The following CRACR2A variants were observed in gnomAD, a reference collection of about 807,000 sequenced individuals.
CRACR2A encodes EF-hand calcium-binding domain-containing protein 4B.
Under a neutral mutation model 90.5 loss-of-function variants are expected in CRACR2A, and 79 were observed. That is an observed-to-expected ratio of 0.87 (90% CI 0.73 to 1.05). The LOEUF (loss-of-function observed/expected upper bound fraction) is 1.05, where lower values mean the gene tolerates loss of function less well. Among genes scored for constraint, CRACR2A ranks in the 50% least tolerant of loss-of-function variants. The probability of loss-of-function intolerance (pLI) is 0.00; values close to 1 mark genes in which losing one functional copy is unlikely to be tolerated. For missense variants in CRACR2A, 823 were observed against 897.2 expected, an observed-to-expected ratio of 0.92 and a Z score of 1.06; for synonymous variants, 338 against 356.7, an observed-to-expected ratio of 0.95 and a Z score of 0.59.
chr12:3,747,393 G>C (rs1193471570), intron 1 of CRACR2A, among the ~76,000 whole-genome samples: 1 of 152,342 alleles, frequency 6.6e-6, no homozygotes, highest in African/African-American at 2.4e-5. Flanking sequence ...AGTCCCTGGA[G>C]TTCCGTCTTT....
chr12:3,680,314 T>C lies in CRACR2A; in HGVS notation c.264A>G (p.Glu88=). 6.2e-7 allele frequency: 1 copy of C among 1,614,160 alleles called. No individual in the cohort carries two copies. The highest frequency in any genetic ancestry group is 1.6e-4 in the Middle Eastern group (1 of 6,062). Residue 88 remains glutamate (E), a synonymous_variant, in exon 5 of 20, where the codon GAA becomes GAG. Coordinates refer to ENST00000440314, the MANE Select transcript of CRACR2A (RefSeq NM_001144958.2). ...LHKELPLSLE[E]LEDVFDALDA... is the part of the protein sequence containing the mutation. Reference sequence around the variant, plus strand: ...CCAGGGCATCAAACACATCCTCCAGTTCCTCCAGGCTGAGCGGTAGCTCCT... The same window carrying C: ...CCAGGGCATCAAACACATCCTCCAGCTCCTCCAGGCTGAGCGGTAGCTCCT...
At chr12:3,699,092 A>C (rs1177822756) in intron 3 of CRACR2A, among the ~76,000 whole-genome samples, 1 of 152,186 alleles carries the variant, frequency 6.6e-6, no homozygotes, top group East Asian at 1.9e-4. Context: ...TAGGATTCCC[A>C]TTATACAGAT....
At chr12:3,644,429 T>C (rs1357011632) in intron 12 of CRACR2A, among the ~76,000 whole-genome samples, 166 bp downstream of exon 12, 8 of 152,134 alleles carry the variant, frequency 5.3e-5, no homozygotes, top group Admixed American at 5.2e-4. Flanking sequence ...TGTTACCCAG[T>C]AGGCCACCCT....
At chr12:3,742,100 C>T (rs142268363) in intron 1 of CRACR2A, among the ~76,000 whole-genome samples, 6 of 152,326 alleles carry the variant, frequency 3.9e-5, no homozygotes, top group Admixed American at 1.3e-4. Context: ...GACTAACCAC[C>T]GTTACCCAGG....
chr12:3,625,534 C>A (rs541844185), intron 17 of CRACR2A, among the ~76,000 whole-genome samples: 2 of 150,556 alleles, frequency 1.3e-5, no homozygotes, highest in African/African-American at 2.4e-5. Flanking sequence ...TACTGGGGGA[C>A]AACTAAATGT....
intron 3 of CRACR2A, among the ~76,000 whole-genome samples, chr12:3,708,448 G>T (rs1042102209): frequency 6.6e-6 from 1 of 151,804 alleles, no homozygotes; most frequent in Non-Finnish European, 1.5e-5. Context: ...TTTTTGAGAC[G>T]GAGTCTCACT....
rs531952265 is a variant in CRACR2A, at chr12:3,673,312, C to A, written c.671+134G>T. The A allele has an allele frequency of 2.5e-4, 260 of 1,053,982 alleles. 2 individuals carry two copies. The African/African-American group carries it at 2.7e-3, about 11-fold the overall frequency. 65.3% of individuals were successfully genotyped at this position (1,053,982 alleles called of 1,614,324 possible). Reference sequence around the variant, plus strand: ...TACATATATCGTGACAGACACAGGGCCTGGTCCCCACTTTGGCAGACAGCA... The same window carrying A: ...TACATATATCGTGACAGACACAGGGACTGGTCCCCACTTTGGCAGACAGCA... On this transcript the variant is annotated intron_variant, in intron 7 of 19. Coordinates refer to ENST00000440314, the MANE Select transcript of CRACR2A (RefSeq NM_001144958.2).
chr12:3,662,270 G>A (rs1945051138), intron 7 of CRACR2A, among the ~76,000 whole-genome samples: 1 of 152,214 alleles, frequency 6.6e-6, no homozygotes, highest in Non-Finnish European at 1.5e-5. Context: ...GCCTCGGTTA[G>A]AACACACTAA....
chr12:3,633,515 G>A lies in CRACR2A; in HGVS notation c.1735+89C>T, dbSNP rs950498847. 2.0e-6 allele frequency: 3 copies of A among 1,509,992 alleles called. No homozygotes were observed. Among genetic ancestry groups the A allele is most frequent in the African/African-American group, 2.8e-5 (2 of 72,216 alleles). The allele number at this position is 1,509,992 out of a possible 1,614,324, so 93.5% of individuals were successfully genotyped here. On this transcript the variant is annotated intron_variant, in intron 15 of 19. Transcript: ENST00000440314. This position sits in a 1 kb window ranked among gnomAD's most constrained non-coding sequence, Gnocchi z 4.5. ...CCAATCCCCATGGCCCTTCCCATGG[G>A]CTTCTAACGCTCCCTGCCCCGGGCC...
intron 8 of CRACR2A, among the ~76,000 whole-genome samples, chr12:3,657,772 GGC>G (rs1944941915): frequency 6.6e-6 from 1 of 152,128 alleles, no homozygotes; most frequent in African/African-American, 2.4e-5. Context: ...ATGATGATGT[GGC>G]TGTACCCACA....
intron 17 of CRACR2A, among the ~76,000 whole-genome samples, chr12:3,620,134 G>C (rs1274335936): frequency 6.6e-6 from 1 of 152,204 alleles, no homozygotes; most frequent in Admixed American, 6.5e-5. Flanking sequence ...CCTGCTTCCC[G>C]GGTCTCCACC....
intron 12 of CRACR2A, among the ~76,000 whole-genome samples, chr12:3,643,943 A>C (rs1470072648): frequency 5.5e-5 from 7 of 127,036 alleles, no homozygotes; most frequent in African/African-American, 1.8e-4. Flanking sequence ...AAACTGCAGA[A>C]TGCACTTTGG....
chr12:3,731,616 T>G (rs1330488666), intron 2 of CRACR2A: 1 of 152,212 alleles, frequency 6.6e-6, no homozygotes, highest in Non-Finnish European at 1.5e-5. Context: ...GCTCACTTAG[T>G]GTGGCAGCTT....
chr12:3,672,616 C>T, intron 7 of CRACR2A: 2 of 348,278 alleles, frequency 5.7e-6, no homozygotes, highest in Non-Finnish European at 8.1e-6. Flanking sequence ...AATGCGAGCT[C>T]ATGGCTGTAA....
chr12:3,693,126 C>A (rs973449804), intron 4 of CRACR2A, among the ~76,000 whole-genome samples: 12 of 152,208 alleles, frequency 7.9e-5, no homozygotes, highest in Non-Finnish European at 1.8e-4. Context: ...CAAAACCTGC[C>A]TGCACACACA....
At chr12:3,660,798 A>T (rs1252930094) in intron 7 of CRACR2A, among the ~76,000 whole-genome samples, 1 of 149,044 alleles carries the variant, frequency 6.7e-6, no homozygotes, top group Non-Finnish European at 1.5e-5. Context: ...GAACAGGCTA[A>T]TGTGGCTATC....
chr12:3,658,098 A>C (rs1944951229), intron 8 of CRACR2A, among the ~76,000 whole-genome samples: 1 of 152,218 alleles, frequency 6.6e-6, no homozygotes, highest in Non-Finnish European at 1.5e-5. Context: ...CTGAGCTTTA[A>C]AGGCATTTGG....
intron 3 of CRACR2A, among the ~76,000 whole-genome samples, chr12:3,708,746 C>G (rs1945968965): frequency 6.6e-6 from 1 of 152,136 alleles, no homozygotes; most frequent in Admixed American, 6.5e-5. Flanking sequence ...AATAAATCAC[C>G]TGAATATGAC....
Position 3,627,545 on chromosome 12 carries a change from C to T in CRACR2A, c.1823G>A (p.Arg608Gln), listed in dbSNP as rs758305378. 3.2e-5 allele frequency: 49 copies of T among 1,551,400 alleles called. No individual in the cohort carries two copies. In the East Asian group the frequency reaches 3.9e-4, roughly 12 times the overall value. Residue 608 changes from arginine (R) to glutamine (Q), a missense_variant, in exon 17 of 20, where the codon CGG (arginine) becomes CAG (glutamine). Physicochemically the swap from Arg to Gln is conservative, Grantham distance 43. Coordinates refer to ENST00000440314, the MANE Select transcript of CRACR2A (RefSeq NM_001144958.2). ...TCTGAAGAACTGCTGGGTGATGCAC[C>T]GGTACCTGCCACAGAAGGGCCACGG... Reference protein sequence around the residue: ...LWDTAGQERYRCITQQFFRKA... With the variant: ...LWDTAGQERYQCITQQFFRKA...
Sources: allele counts gnomAD v4.1 joint callset (sites outside exome capture counted in the v4.1 genomes callset), GRCh38; gene constraint gnomAD v4.1.1; non-coding constraint Gnocchi (gnomAD v3.1); transcripts MANE v1.5; gene names NCBI Gene and HGNC (gene_info 2026-07-23, HGNC 2026-07-21).